The following LRRC4C variants were observed in gnomAD, a reference collection of about 807,000 sequenced individuals.
LRRC4C encodes leucine rich repeat containing 4C.
LRRC4C carries 5 observed loss-of-function variants against 33.6 expected under a neutral mutation model. That is an observed-to-expected ratio of 0.15 (90% CI 0.08 to 0.31). The LOEUF is 0.31. Among genes scored for constraint, LRRC4C ranks in the 10% least tolerant of loss-of-function variants. The pLI, the probability that LRRC4C is intolerant of heterozygous loss-of-function variation, is 1.00. For synonymous variants in LRRC4C, 329 were observed against 302.0 expected (o/e 1.09, Z -0.93); for missense variants, 560 against 796.7 (o/e 0.70, Z 3.58).
At chr11:40,521,697 C>T (rs1419781535) in intron 3 of LRRC4C, among the ~76,000 whole-genome samples, 11 of 151,822 alleles carry the variant, frequency 7.2e-5, no homozygotes, top group East Asian at 3.9e-4. Flanking sequence ...GGTAAAACTC[C>T]GTCTCTACTA....
At chr11:40,194,052 C>A (rs10837361) in intron 5 of LRRC4C, among the ~76,000 whole-genome samples, 137,974 of 152,150 alleles carry the variant, frequency 0.91, 62,810 homozygotes, top group Middle Eastern at 0.98. Context: ...TATCCAGGAG[C>A]ACTTCCCCTA....
At chr11:40,520,991 C>T (rs1374018266) in intron 3 of LRRC4C, among the ~76,000 whole-genome samples, 2 of 151,944 alleles carry the variant, frequency 1.3e-5, no homozygotes, top group African/African-American at 4.8e-5. Context: ...CAAAAGAACT[C>T]AAGCCAAATC....
intron 1 of LRRC4C, among the ~76,000 whole-genome samples, chr11:41,125,611 T>C (rs745826252): frequency 6.6e-6 from 1 of 152,210 alleles, no homozygotes; most frequent in Non-Finnish European, 1.5e-5. Context: ...GTAGTCTATT[T>C]ACCCAACTGT....
intron 3 of LRRC4C, among the ~76,000 whole-genome samples, chr11:40,531,484 G>C (rs2135313366): frequency 6.6e-6 from 1 of 151,634 alleles, no homozygotes; most frequent in Middle Eastern, 3.4e-3. Context: ...ACAGATAGAA[G>C]AAAAAAAAGA....
At chr11:40,417,419 C>A (rs1192611670) in intron 3 of LRRC4C, among the ~76,000 whole-genome samples, 1 of 151,984 alleles carries the variant, frequency 6.6e-6, no homozygotes, top group Non-Finnish European at 1.5e-5. Flanking sequence ...GCAACCTCTC[C>A]CTCCTGGGTA....
At chr11:41,333,537 A>G (rs974793659) in intron 1 of LRRC4C, among the ~76,000 whole-genome samples, 1 of 152,200 alleles carries the variant, frequency 6.6e-6, no homozygotes, top group African/African-American at 2.4e-5. Context: ...ATAGACATTC[A>G]AACTAAAATT....
At chr11:40,203,137 A>T (rs1862892492) in intron 5 of LRRC4C, among the ~76,000 whole-genome samples, 1 of 152,270 alleles carries the variant, frequency 6.6e-6, no homozygotes, top group African/African-American at 2.4e-5. Context: ...GGGAAATTCA[A>T]TCATCCCTTT....
At chr11:41,193,281 T>C (rs1946040408) in intron 1 of LRRC4C, among the ~76,000 whole-genome samples, 2 of 152,128 alleles carry the variant, frequency 1.3e-5, no homozygotes, top group African/African-American at 4.8e-5. Context: ...TGCCCAAGAC[T>C]GAAGGAATCA....
intron 2 of LRRC4C, among the ~76,000 whole-genome samples, chr11:40,857,955 A>AAGGGAG (rs2135805459): frequency 1.6e-5 from 1 of 63,870 alleles, no homozygotes; most frequent in Admixed American, 1.8e-4. Context: ...AAGAAAGGGA[A>AAGGGAG]AGGGAAAGGG....
chr11:41,454,039 A>C (rs892158123), intron 1 of LRRC4C, among the ~76,000 whole-genome samples: 1 of 152,060 alleles, frequency 6.6e-6, no homozygotes, highest in African/African-American at 2.4e-5. Context: ...CATAAAGCAG[A>C]CTTCATCCAT....
intron 1 of LRRC4C, among the ~76,000 whole-genome samples, chr11:41,156,372 A>G (rs1266538941): frequency 6.6e-6 from 1 of 152,160 alleles, no homozygotes; most frequent in East Asian, 1.9e-4. Flanking sequence ...GCAAACAAAA[A>G]TGTCTTGCTC....
chr11:41,242,929 C>A (rs1948309734), intron 1 of LRRC4C, among the ~76,000 whole-genome samples: 1 of 152,080 alleles, frequency 6.6e-6, no homozygotes, highest in Non-Finnish European at 1.5e-5. Flanking sequence ...AGCTAATTAA[C>A]TTGGTTTTTC....
intron 4 of LRRC4C, among the ~76,000 whole-genome samples, chr11:40,278,229 C>T (rs16934672): frequency 0.06 from 9,095 of 152,098 alleles, 330 homozygotes; most frequent in African/African-American, 0.071. Context: ...TATGAGTTTC[C>T]GTCACCTTGC....
At chr11:41,179,693 G>A (rs541328959) in intron 1 of LRRC4C, among the ~76,000 whole-genome samples, 2 of 152,106 alleles carry the variant, frequency 1.3e-5, no homozygotes, top group Admixed American at 6.6e-5. Flanking sequence ...CTAGATAGTA[G>A]GTATACAACT....
intron 4 of LRRC4C, among the ~76,000 whole-genome samples, chr11:40,318,930 A>G (rs1945709757): frequency 6.6e-6 from 1 of 152,216 alleles, no homozygotes; most frequent in African/African-American, 2.4e-5. Flanking sequence ...AATTTTGCCT[A>G]GAATATTTCT....
chr11:41,456,094 A>T (rs1956164033), intron 1 of LRRC4C, among the ~76,000 whole-genome samples: 1 of 152,158 alleles, frequency 6.6e-6, no homozygotes, highest in African/African-American at 2.4e-5. Flanking sequence ...GTGATGGAGA[A>T]CAGTACCAAG....
intron 1 of LRRC4C, among the ~76,000 whole-genome samples, chr11:41,355,610 C>T (rs952889403): frequency 3.3e-5 from 5 of 151,926 alleles, no homozygotes; most frequent in African/African-American, 4.8e-5. Flanking sequence ...TATTTTTGTC[C>T]TTCCAAAGCC....
intron 2 of LRRC4C, among the ~76,000 whole-genome samples, chr11:40,851,406 T>C (rs1325305035): frequency 6.6e-6 from 1 of 152,090 alleles, no homozygotes; most frequent in Non-Finnish European, 1.5e-5. Context: ...CCTGACCCCT[T>C]GTGCTTCCCG....
intron 2 of LRRC4C, among the ~76,000 whole-genome samples, chr11:40,763,446 A>G (rs1171490191): frequency 6.6e-6 from 1 of 152,170 alleles, no homozygotes. Flanking sequence ...CCCAACAGGA[A>G]CACCAAATTC....
Sources: allele counts gnomAD v4.1 joint callset (sites outside exome capture counted in the v4.1 genomes callset), GRCh38; gene constraint gnomAD v4.1.1; transcripts MANE v1.5; gene names NCBI Gene and HGNC (gene_info 2026-07-23, HGNC 2026-07-21).